Variants in SNX29 observed in about 807,000 individuals in gnomAD.
The protein encoded by SNX29 is sorting nexin 29, also known as sorting nexin-29.
A neutral mutation model predicts 102.1 loss-of-function variants in SNX29; 78 were observed. The ratio of observed to expected loss-of-function variants is 0.76; its 90% confidence interval spans 0.64 to 0.92. SNX29 has a LOEUF of 0.92. Ranked by LOEUF, SNX29 falls within the 40% of genes least tolerant of loss-of-function variation. The pLI is 0.00. For missense variants in SNX29, 1,280 were observed against 1,061.7 expected (o/e 1.21, Z -2.86); for synonymous variants, 580 against 414.5 (o/e 1.40, Z -4.85).
chr16:12,534,264 G>A (rs1597788016), intron 20 of SNX29, among the ~76,000 whole-genome samples: 1 of 152,198 alleles, frequency 6.6e-6, no homozygotes, highest in African/African-American at 2.4e-5. Flanking sequence ...CCCAAGCACC[G>A]CCGGCACACC....
intron 13 of SNX29, among the ~76,000 whole-genome samples, chr16:12,198,952 G>C (rs1464597210): frequency 6.6e-6 from 1 of 152,178 alleles, no homozygotes; most frequent in East Asian, 1.9e-4. Context: ...TTGTCACCCA[G>C]TGTACCTGGG....
At chr16:12,191,981 G>C (rs1239665184) in intron 13 of SNX29, among the ~76,000 whole-genome samples, 1 of 152,128 alleles carries the variant, frequency 6.6e-6, no homozygotes, top group Non-Finnish European at 1.5e-5. Flanking sequence ...TTTACATCTA[G>C]GGAAAGTATA....
At chr16:12,346,160 G>C (rs2081796947) in intron 15 of SNX29, among the ~76,000 whole-genome samples, 1 of 152,130 alleles carries the variant, frequency 6.6e-6, no homozygotes, top group African/African-American at 2.4e-5. Context: ...GGGCAGCAGG[G>C]AGGCGGTGGT....
At chr16:12,242,376 T>A (rs1403170341) in intron 14 of SNX29, among the ~76,000 whole-genome samples, 2 of 146,418 alleles carry the variant, frequency 1.4e-5, no homozygotes, top group African/African-American at 5.0e-5. Context: ...TATTTTTTTT[T>A]TTTTTTTAAG....
At chr16:12,484,533 G>A (rs2088131918) in intron 19 of SNX29, among the ~76,000 whole-genome samples, 1 of 152,104 alleles carries the variant, frequency 6.6e-6, no homozygotes, top group South Asian at 2.1e-4. Flanking sequence ...CCTCAGAGGT[G>A]TCCCCTGGTA....
chr16:12,013,513 A>ATATATC (rs1401346921), intron 3 of SNX29, among the ~76,000 whole-genome samples: 2 of 95,764 alleles, frequency 2.1e-5, no homozygotes, highest in South Asian at 9.1e-4. Context: ...ATATATATAT[A>ATATATC]TATATATATA....
At chr16:12,524,963 G>A in intron 20 of SNX29, 122 bp downstream of exon 20, 7 of 1,368,028 alleles carry the variant, frequency 5.1e-6, no homozygotes, top group South Asian at 4.3e-5. Flanking sequence ...GGACCCAGGC[G>A]AACTCCAGGG....
chr16:12,552,321 G>C (rs573864828), intron 20 of SNX29, among the ~76,000 whole-genome samples: 42 of 152,258 alleles, frequency 2.8e-4, no homozygotes, highest in South Asian at 2.5e-3. Flanking sequence ...GGTGATAATG[G>C]AACTCCTCTC....
rs562787810 is a variant in SNX29 at position 12,554,421 on chromosome 16, C to A, written c.2319-14085C>A. On this transcript the variant is annotated intron_variant, in intron 20 of 20. Coordinates refer to ENST00000566228, the MANE Select transcript of SNX29 (RefSeq NM_032167.5). The stretch of plus-strand genomic sequence containing the variant: ...TGTGCATCGTCTTCTGTAATGTCAG[C>A]GTGTCCTGCTGTTTCCGCACACCTG... 2.0e-5 allele frequency among the ~76,000 whole-genome samples: 3 copies of A among 152,298 alleles called. No individual in the cohort carries two copies. In the South Asian group the frequency reaches 6.2e-4, roughly 32 times the overall value.
chr16:12,454,860 C>T (rs190797309), intron 18 of SNX29, among the ~76,000 whole-genome samples: 104 of 151,910 alleles, frequency 6.8e-4, no homozygotes, highest in African/African-American at 2.3e-3. Flanking sequence ...GCACTTCTGC[C>T]TCAGCCTCCC....
chr16:12,573,206 G>C lies in SNX29; in HGVS notation c.*4577G>C, dbSNP rs775920049. 7.1e-5 allele frequency: 16 copies of C among 226,778 alleles called. No individual in the cohort carries two copies. Among genetic ancestry groups the C allele is most frequent in the Non-Finnish European group, 1.1e-4 (13 of 114,146 alleles). 14.0% of individuals were successfully genotyped at this position (226,778 alleles called of 1,614,324 possible). A position where few individuals can be genotyped will look rare whatever the true frequency, so the allele number is the denominator to read the frequency against. On this transcript the variant is annotated 3_prime_UTR_variant, in exon 21 of 21. Coordinates refer to ENST00000566228, the MANE Select transcript of SNX29 (RefSeq NM_032167.5). ...ATCCAGGGTCTCCCGGCTCTAGGCA[G>C]ACCGGATCCCGCAGTTCATCCCATG...
intron 20 of SNX29, among the ~76,000 whole-genome samples, chr16:12,525,704 C>CA (rs900387392): frequency 3.1e-5 from 4 of 127,468 alleles, no homozygotes; most frequent in African/African-American, 8.6e-5. Flanking sequence ...CCCCACCCCC[C>CA]CCCCCAAAAA....
chr16:12,546,370 A>C (rs1010278872), intron 20 of SNX29: 25 of 151,920 alleles, frequency 1.6e-4, no homozygotes, highest in African/African-American at 2.4e-5. Context: ...GGGAGGCCTC[A>C]CAATCACCGT....
At chr16:12,473,598 G>C (rs1567600335) in intron 18 of SNX29, among the ~76,000 whole-genome samples, 1 of 152,206 alleles carries the variant, frequency 6.6e-6, no homozygotes, top group Non-Finnish European at 1.5e-5. Context: ...GTGAGGCTGA[G>C]ACCTACTGGG....
intron 2 of SNX29, among the ~76,000 whole-genome samples, chr16:12,001,197 T>C (rs190141599): frequency 6.6e-6 from 1 of 151,960 alleles, no homozygotes; most frequent in Non-Finnish European, 1.5e-5. Flanking sequence ...CTGCAACCTC[T>C]GTCTCCTGGG....
At chr16:12,011,144 T>G (rs910740347) in intron 3 of SNX29, among the ~76,000 whole-genome samples, 1 of 151,778 alleles carries the variant, frequency 6.6e-6, no homozygotes, top group Admixed American at 6.6e-5. Context: ...CAGTCCATAT[T>G]GCATACTCTT....
In SNX29 at chr16:12,533,063, C is replaced by G. The variant is rs551466420; in HGVS notation, c.2318+8222C>G. Among the ~76,000 whole-genome samples the G allele has an allele frequency of 4.2e-5, 6 of 142,780 alleles. No homozygotes were observed. The South Asian group carries it at 6.3e-4, about 15-fold the overall frequency. 93.7% of individuals were successfully genotyped at this position (142,780 alleles called of 152,430 possible). A position where few individuals can be genotyped will look rare whatever the true frequency, so the allele number is the denominator to read the frequency against. On this transcript the variant is annotated intron_variant, in intron 20 of 20. Coordinates refer to ENST00000566228, the MANE Select transcript of SNX29 (RefSeq NM_032167.5). ...GGGCAGGAAGGGGAAACGATGGTGC[C>G]TTTGCAAGCCACAGCCCACATCACA...
chr16:12,452,256 A>G (rs1250546652), intron 18 of SNX29, among the ~76,000 whole-genome samples: 1 of 148,138 alleles, frequency 6.8e-6, no homozygotes, highest in East Asian at 2.0e-4. Context: ...ACATTTGGCA[A>G]TGCCTGAAAG....
At chr16:12,192,100 T>G (rs2076657075) in intron 13 of SNX29, among the ~76,000 whole-genome samples, 1 of 152,200 alleles carries the variant, frequency 6.6e-6, no homozygotes, top group Admixed American at 6.5e-5. Flanking sequence ...AGTAGTGCTG[T>G]CTGGGGTTGC....
Sources: gnomAD v4.1 joint callset for allele counts (sites outside exome capture counted in the v4.1 genomes callset) on GRCh38, gnomAD v4.1.1 for gene constraint, MANE v1.5 for transcripts, NCBI Gene and HGNC (gene_info 2026-07-23, HGNC 2026-07-21) for gene names.